The following ADARB2 variants were observed in gnomAD, a reference collection of about 807,000 sequenced individuals.
ADARB2 encodes the protein inactive double-stranded RNA-specific editase B2.
Under a neutral mutation model 62.2 loss-of-function variants are expected in ADARB2, and 25 were observed. That is an observed-to-expected ratio of 0.40 (90% CI 0.29 to 0.56). ADARB2 has a LOEUF of 0.56. ADARB2 is among the 20% of genes least tolerant of loss of function. ADARB2 has a pLI of 0.43. For synonymous variants in ADARB2, 572 were observed against 500.8 expected (o/e 1.14, Z -1.90); for missense variants, 1,071 against 1,077.4 (o/e 0.99, Z 0.08).
At chr10:1,736,992 C>G (rs1828632673) in intron 1 of ADARB2, 59 bp downstream of exon 1, 3 of 1,555,274 alleles carry the variant, frequency 1.9e-6, no homozygotes, top group African/African-American at 1.4e-5. Context: ...CATGAGAGGC[C>G]GGGGTGGAGA....
intron 4 of ADARB2, among the ~76,000 whole-genome samples, chr10:1,266,971 A>G (rs546895186): frequency 2.0e-5 from 3 of 152,176 alleles, no homozygotes; most frequent in Non-Finnish European, 4.4e-5. Flanking sequence ...ATGAAGAGAC[A>G]AATTTTAAAA....
intron 1 of ADARB2, among the ~76,000 whole-genome samples, chr10:1,696,463 G>T (rs1348127497): frequency 6.6e-6 from 1 of 152,084 alleles, no homozygotes; most frequent in African/African-American, 2.4e-5. Flanking sequence ...TTTTACTTTG[G>T]TAGTGATAAT....
intron 1 of ADARB2, among the ~76,000 whole-genome samples, chr10:1,620,009 A>G (rs1475880690): frequency 6.6e-6 from 1 of 152,174 alleles, no homozygotes; most frequent in Admixed American, 6.5e-5. Context: ...GCACTAAAAC[A>G]AAATTATATT....
In ADARB2 at chr10:1,660,854, G is replaced by A. The variant is rs139242681; in HGVS notation, c.100+76197C>T. Among the ~76,000 whole-genome samples the A allele has an allele frequency of 5.5e-4, 84 of 152,222 alleles. No homozygotes were observed. The East Asian group carries it at 0.015, about 27-fold the overall frequency. On this transcript the variant is annotated intron_variant, in intron 1 of 9. Coordinates refer to ENST00000381312, the MANE Select transcript of ADARB2 (RefSeq NM_018702.4). ...AGGAGCATCACCATCTTGGACAAAC[G>A]CCACCATTTTAAGTTCTCCTTGATT...
chr10:1,644,519 G>A (rs1381592395), intron 1 of ADARB2, among the ~76,000 whole-genome samples: 3 of 152,358 alleles, frequency 2.0e-5, no homozygotes, highest in African/African-American at 7.2e-5. Flanking sequence ...AAAGCAAAAC[G>A]TGCACATGCT....
intron 1 of ADARB2, among the ~76,000 whole-genome samples, chr10:1,444,279 CTA>C (rs55636402): frequency 0.35 from 23,823 of 68,454 alleles, 2,621 homozygotes; most frequent in East Asian, 0.48. Context: ...TTCCATCTAT[CTA>C]CATCCATCCA....
At chr10:1,289,063 C>T (rs145509276) in intron 3 of ADARB2, among the ~76,000 whole-genome samples, 29 of 152,214 alleles carry the variant, frequency 1.9e-4, no homozygotes, top group South Asian at 4.1e-4. Flanking sequence ...GACCTGAGTC[C>T]GATGAGAAAC....
At chr10:1,500,482 T>A (rs770040071) in intron 1 of ADARB2, among the ~76,000 whole-genome samples, 2 of 152,262 alleles carry the variant, frequency 1.3e-5, no homozygotes, top group Non-Finnish European at 2.9e-5. Context: ...CCCAAATGCA[T>A]CTTGATACTT....
intron 3 of ADARB2, among the ~76,000 whole-genome samples, chr10:1,344,518 C>G (rs890815613): frequency 6.6e-6 from 1 of 152,198 alleles, no homozygotes; most frequent in East Asian, 1.9e-4. Flanking sequence ...GGGCGCTGAA[C>G]GCTGAGTATA....
intron 8 of ADARB2, among the ~76,000 whole-genome samples, chr10:1,195,083 G>A (rs1176297261): frequency 1.3e-5 from 2 of 152,190 alleles, no homozygotes; most frequent in African/African-American, 2.4e-5. Flanking sequence ...GAGGCAGGCC[G>A]ACCCGCCCCC....
intron 1 of ADARB2, among the ~76,000 whole-genome samples, chr10:1,566,748 C>CTATATA (rs1832865716): frequency 6.6e-6 from 1 of 151,996 alleles, no homozygotes; most frequent in Non-Finnish European, 1.5e-5. Context: ...TTTAACTCTT[C>CTATATA]TATATATTGT....
intron 1 of ADARB2, among the ~76,000 whole-genome samples, chr10:1,521,129 G>C (rs1394788189): frequency 6.6e-6 from 1 of 152,228 alleles, no homozygotes; most frequent in East Asian, 1.9e-4. Flanking sequence ...GCCCGGAGTC[G>C]GGTGAGGTGG....
At chr10:1,193,727 C>T (rs935992886) in intron 8 of ADARB2, among the ~76,000 whole-genome samples, 1 of 152,100 alleles carries the variant, frequency 6.6e-6, no homozygotes, top group Admixed American at 6.5e-5. Context: ...GATATCAGAT[C>T]GTAAGTTGAG....
At chr10:1,640,902 G>T (rs774522480) in intron 1 of ADARB2, among the ~76,000 whole-genome samples, 1 of 152,120 alleles carries the variant, frequency 6.6e-6, no homozygotes, top group East Asian at 1.9e-4. Flanking sequence ...TGAATGTAAC[G>T]CATCCCGGCT....
intron 6 of ADARB2, among the ~76,000 whole-genome samples, chr10:1,220,742 A>T (rs180726196): frequency 6.6e-6 from 1 of 152,126 alleles, no homozygotes; most frequent in Non-Finnish European, 1.5e-5. Flanking sequence ...AAAGTTGCCT[A>T]TTATATTGTA....
At chr10:1,402,589 C>T (rs560785136) in intron 1 of ADARB2, among the ~76,000 whole-genome samples, 6 of 152,124 alleles carry the variant, frequency 3.9e-5, no homozygotes, top group Non-Finnish European at 7.4e-5. Context: ...CAGCCAATGG[C>T]GCACACTGTC....
intron 1 of ADARB2, among the ~76,000 whole-genome samples, chr10:1,657,822 C>G (rs1834191085): frequency 6.6e-6 from 1 of 152,148 alleles, no homozygotes; most frequent in Non-Finnish European, 1.5e-5. Context: ...TCTCTCCTGT[C>G]TCTCCCTCTC....
chr10:1,706,997 C>A (rs2119147493), intron 1 of ADARB2, among the ~76,000 whole-genome samples: 1 of 152,356 alleles, frequency 6.6e-6, no homozygotes, highest in East Asian at 1.9e-4. Flanking sequence ...TCATGCGTTC[C>A]TCTCTTCAGG....
At chr10:1,652,840 G>A (rs926972207) in intron 1 of ADARB2, among the ~76,000 whole-genome samples, 2 of 152,068 alleles carry the variant, frequency 1.3e-5, no homozygotes, top group Non-Finnish European at 2.9e-5. Flanking sequence ...TAAGGTCTTG[G>A]CCTAGGACTG....
Sources: allele counts gnomAD v4.1 joint callset (sites outside exome capture counted in the v4.1 genomes callset), GRCh38; gene constraint gnomAD v4.1.1; transcripts MANE v1.5; gene names NCBI Gene and HGNC (gene_info 2026-07-23, HGNC 2026-07-21).